Variants in NBPF20 observed in about 807,000 individuals in gnomAD.
The protein encoded by NBPF20 is NBPF member 20.
NBPF20 carries 90 observed loss-of-function variants against 68.1 expected under a neutral mutation model. The ratio of observed to expected loss-of-function variants is 1.32; its 90% CI spans 1.11 to 1.58. The LOEUF is 1.58. Ranked by LOEUF, NBPF20 falls within the 40% of genes most tolerant of loss-of-function variation. NBPF20 has a pLI of 0.00. For missense variants in NBPF20, 816 were observed against 601.2 expected, an observed-to-expected ratio of 1.36 and a Z score of -3.74; for synonymous variants, 290 against 228.1, an observed-to-expected ratio of 1.27 and a Z score of -2.45.
intron 3 of NBPF20, 53 bp from the exon 9 acceptor site, chr1:145,402,434 T>A (rs1480727339): frequency 2.3e-5 from 37 of 1,588,866 alleles, no homozygotes; most frequent in Admixed American, 3.3e-5. Context: ...AGTGATCCGC[T>A]CAAATATTGC....
chr1:145,291,869 A>C, intron 137 of NBPF20, 100 bp from the exon 143 acceptor site: 1 of 1,603,542 alleles, frequency 6.2e-7, no homozygotes, highest in South Asian at 1.1e-5. Context: ...GTTAGAAAAG[A>C]AAAAGGATAG....
At chr1:145,423,857 T>C in the NBPF20 span, among the ~76,000 whole-genome samples, 3 of 152,084 alleles carry the variant, frequency 2.0e-5, no homozygotes, top group African/African-American at 7.2e-5. Context: ...TAATACTAAG[T>C]TTTATCATTC....
chr1:145,291,432 G>C lies in NBPF20; in HGVS notation c.*94C>G, dbSNP rs1301800108. On this transcript the variant is annotated 3_prime_UTR_variant, in exon 138 of 138. Coordinates refer to ENST00000369373, the Ensembl canonical transcript of NBPF20. ...ATGCCCACTGACCCATCCTATGTCTGGGCTTCCAAATGGAACTGTACTTTC... is the reference window on the plus strand; with the variant it reads ...ATGCCCACTGACCCATCCTATGTCTCGGCTTCCAAATGGAACTGTACTTTC... 35 of 1,609,984 alleles carry C rather than the reference G, an allele frequency of 2.2e-5. 1 individual carries two copies. Among genetic ancestry groups the C allele is most frequent in the Admixed American group, 3.3e-5 (2 of 59,872 alleles).
At chr1:145,372,240 AT>A (rs1661754777) in intron 36 of NBPF20, among the ~76,000 whole-genome samples, 1 of 125,922 alleles carries the variant, frequency 7.9e-6, no homozygotes, top group Non-Finnish European at 1.6e-5. Flanking sequence ...AGTTCTGTGA[AT>A]TTTTTACGTC....
Position 145,403,223 on chromosome 1 carries a change from C to A in NBPF20, c.271G>T (p.Glu91Ter). ...ACCATGGGGTCCCCTCACCTGAGCT[C>A]CTCAGCTTGCTTGAGCTGCTCTGCA... The change falls in exon 3 of 138, where the codon GAG becomes TAG. Residue 91 changes from glutamate (E) to a stop codon, truncating the protein, a stop_gained. Transcript: ENST00000369373. LOFTEE classifies it high-confidence loss of function. 1 of 1,612,536 alleles carries A rather than the reference C, an allele frequency of 6.2e-7. No homozygotes were observed. Among genetic ancestry groups the A allele is most frequent in the Non-Finnish European group, 8.5e-7 (1 of 1,180,008 alleles).
intron 8 of NBPF20, among the ~76,000 whole-genome samples, chr1:145,394,560 A>C (rs1457441432): frequency 3.7e-4 from 56 of 152,194 alleles, no homozygotes; most frequent in African/African-American, 1.3e-3. Context: ...CAAGGGTGAC[A>C]CTGGCCTTGG....
intron 7 of NBPF20, among the ~76,000 whole-genome samples, chr1:145,398,730 G>C (rs1662375374): frequency 6.6e-6 from 1 of 151,734 alleles, no homozygotes. Flanking sequence ...TAAGATCAGA[G>C]CAGAACTAAA....
At chr1:145,422,193 A>G in the NBPF20 span, among the ~76,000 whole-genome samples, 1 of 151,768 alleles carries the variant, frequency 6.6e-6, no homozygotes, top group Non-Finnish European at 1.5e-5. Flanking sequence ...AAGAACAATG[A>G]AGTATAAAAG....
At chr1:145,392,911 G>T (rs1404266306) in intron 10 of NBPF20, among the ~76,000 whole-genome samples, 163 bp downstream of exon 15, 2 of 85,652 alleles carry the variant, frequency 2.3e-5, no homozygotes, top group South Asian at 3.8e-4. Flanking sequence ...TCCCTTGTCT[G>T]GGCTTCCAAG....
Position 145,400,334 on chromosome 1 carries a change from G to A in NBPF20, c.775+52C>T. On this transcript the variant is annotated intron_variant, in intron 6 of 137. Transcript: ENST00000369373. The stretch of plus-strand genomic sequence containing the variant: ...TGTGTTTATAGAGCCTGTCTTCAGA[G>A]TTTATCTTCCTCAGCCTAGAGAGAG... The A allele has an allele frequency of 1.9e-6, 3 of 1,609,242 alleles. No individual in the cohort carries two copies. In the South Asian group the frequency reaches 3.3e-5, roughly 18 times the overall value.
At chr1:145,407,745 C>T (rs1182053330), upstream of NBPF20, 13 of 153,686 alleles carry the variant, frequency 8.5e-5, no homozygotes, top group South Asian at 2.4e-3. Context: ...GCCCCTGCAG[C>T]AACGCAACGG....
chr1:145,409,944 ATC>A (rs781961073), upstream of NBPF20, among the ~76,000 whole-genome samples: 10 of 151,782 alleles, frequency 6.6e-5, no homozygotes, highest in Non-Finnish European at 1.5e-4. Flanking sequence ...TCCCCAGTTC[ATC>A]TGTGTCTCGT....
At chr1:145,401,121 G>A (rs1553540995) in exon 5 of NBPF20, 15 of 1,605,550 alleles carry the variant, frequency 9.3e-6, no homozygotes, top group African/African-American at 5.4e-5. Context: ...CATCGTCATC[G>A]TTGTCATTTT....
exon 138 of NBPF20, chr1:145,291,651 T>G (rs782744095): frequency 2.7e-5 from 43 of 1,611,924 alleles, no homozygotes; most frequent in Middle Eastern, 4.5e-4. Context: ...TAAAACACAC[T>G]TCTGTAGTGC....
At chr1:145,421,633 T>C in the NBPF20 span, among the ~76,000 whole-genome samples, 1 of 152,110 alleles carries the variant, frequency 6.6e-6, no homozygotes, top group South Asian at 2.1e-4. Flanking sequence ...ATGTTGAAAA[T>C]GAGATTGAAC....
chr1:145,306,309 A>G, intron 119 of NBPF20, among the ~76,000 whole-genome samples: 1 of 149,228 alleles, frequency 6.7e-6, no homozygotes. Flanking sequence ...AGACACACAC[A>G]CACACACAGA....
At chr1:145,400,952 A>G in intron 5 of NBPF20, 107 bp downstream of exon 10, 1 of 1,378,376 alleles carries the variant, frequency 7.3e-7, no homozygotes, top group Non-Finnish European at 1.0e-6. Flanking sequence ...TACTGTGGCC[A>G]AGCAAATGTG....
At chr1:145,421,963 G>A in the NBPF20 span, among the ~76,000 whole-genome samples, 2 of 152,030 alleles carry the variant, frequency 1.3e-5, no homozygotes, top group East Asian at 1.9e-4. Context: ...GCTTGAGCCT[G>A]AGAGGTCAAG....
rs1472365969 is a variant in NBPF20 at position 145,338,077 on chromosome 1, G to A, written c.9546-268C>T. Among the ~76,000 whole-genome samples the A allele has an allele frequency of 1.4e-3, 117 of 81,704 alleles. 1 individual carries two copies. The highest frequency in any genetic ancestry group is 5.2e-3 in the African/African-American group (106 of 20,376). The allele number at this position is 81,704 out of a possible 152,430, so 53.6% of individuals were successfully genotyped here. On this transcript the variant is annotated intron_variant, in intron 79 of 137. Transcript: ENST00000369373. ...CAGAGAGAGAGAGAACGAGCTCAGT[G>A]AATTGTCCAGGTGACACACTGATGA...
Sources: gnomAD v4.1 joint callset for allele counts (sites outside exome capture counted in the v4.1 genomes callset) on GRCh38, gnomAD v4.1.1 for gene constraint, MANE v1.5 for transcripts, NCBI Gene and HGNC (gene_info 2026-07-23, HGNC 2026-07-21) for gene names.